The following KCNG1 variants were observed in gnomAD, a reference collection of about 807,000 sequenced individuals.
KCNG1 encodes potassium voltage-gated channel modifier subfamily G member 1.
Under a neutral mutation model 32.4 loss-of-function variants are expected in KCNG1, and 17 were observed. The observed-to-expected ratio is 0.52, with a 90% CI of 0.36 to 0.79. The LOEUF is 0.79. KCNG1 is among the 30% of genes least tolerant of loss of function. The probability of loss-of-function intolerance (pLI) is 0.00; values close to 1 mark genes in which losing one functional copy is unlikely to be tolerated. For synonymous variants in KCNG1, 358 were observed against 339.9 expected (o/e 1.05, Z -0.59); for missense variants, 441 against 735.2 (o/e 0.60, Z 4.63).
chr20:51,018,029 A>G (rs1338328877), intron 1 of KCNG1, among the ~76,000 whole-genome samples: 24 of 152,204 alleles, frequency 1.6e-4, no homozygotes, highest in Admixed American at 1.6e-3. Context: ...AGGGCTGAGA[A>G]CATACTTCCA....
intron 1 of KCNG1, chr20:51,013,923 C>T (rs1346189693): frequency 1.3e-5 from 2 of 152,224 alleles, no homozygotes; most frequent in African/African-American, 4.8e-5. Context: ...AAATGCCTCA[C>T]ACAAGCCCTG....
chr20:51,010,981 G>A (rs1253524692), intron 1 of KCNG1, among the ~76,000 whole-genome samples: 1 of 152,074 alleles, frequency 6.6e-6, no homozygotes, highest in African/African-American at 2.4e-5. Flanking sequence ...TGCCATGGGA[G>A]CACTCAGGGA....
At position 51,004,841 on chromosome 20, in the gene KCNG1, G is replaced by T; in HGVS notation, c.775-35C>A. The T allele has an allele frequency of 6.7e-7, 1 of 1,493,862 alleles. No individual in the cohort carries two copies. Among genetic ancestry groups the T allele is most frequent in the African/African-American group, 1.4e-5 (1 of 71,968 alleles). 92.5% of individuals were successfully genotyped at this position (1,493,862 alleles called of 1,614,324 possible). A position where few individuals can be genotyped will look rare whatever the true frequency, so the allele number is the denominator to read the frequency against. On this transcript the variant is annotated intron_variant, in intron 2 of 2. Transcript: ENST00000371571. The surrounding 1 kb of genome is among the most constrained non-coding windows in gnomAD (Gnocchi z 4.3). ...AGGGGAAGGGACGCCGGAGGGGTCA[G>T]CGGGCCCTCCAGGAAAGGAGGGCAG...
chr20:51,017,607 T>C (rs958776627), intron 1 of KCNG1, among the ~76,000 whole-genome samples: 4 of 152,170 alleles, frequency 2.6e-5, no homozygotes, highest in Admixed American at 6.5e-5. Context: ...ACCTTCTGAA[T>C]TGCTCGGGGT....
chr20:51,009,300 G>T (rs915567232), intron 2 of KCNG1, among the ~76,000 whole-genome samples: 4 of 152,216 alleles, frequency 2.6e-5, no homozygotes, highest in African/African-American at 9.7e-5. Flanking sequence ...GTGCCTGTTT[G>T]TGCTGGACAC....
chr20:51,010,471 C>T (rs1436449313), intron 1 of KCNG1, 107 bp from the exon 2 acceptor site: 1 of 805,094 alleles, frequency 1.2e-6, no homozygotes, highest in South Asian at 2.0e-5. Context: ...TCTTTGTCCC[C>T]CACATCCATA....
At position 51,009,908 on chromosome 20, in the gene KCNG1, G is replaced by A; in HGVS notation, c.431C>T (p.Ala144Val). ...CAGCAGCTCCTCCTGGAAGGACAGC[G>A]CGCACATCTCGCGCAGCAGCCGCAG... is the stretch of plus-strand genomic sequence containing the variant. ...GKLRLLREMCALSFQEELLYW... is the reference protein window; with the variant it reads ...GKLRLLREMCVLSFQEELLYW... The change falls in exon 2 of 3, where the codon GCG becomes GTG. Residue 144 changes from alanine to valine, a missense_variant. By Grantham distance (64) the Ala-to-Val change is moderately conservative. Coordinates refer to ENST00000371571, the MANE Select transcript of KCNG1 (RefSeq NM_002237.4). 6.2e-7 allele frequency: 1 copy of A among 1,613,610 alleles called. No homozygotes were observed. The highest frequency in any genetic ancestry group is 1.1e-5 in the South Asian group (1 of 91,080).
Position 51,008,514 on chromosome 20 carries a change from G to T in KCNG1, c.774+1051C>A, listed in dbSNP as rs555839428. On this transcript the variant is annotated intron_variant, in intron 2 of 2. Coordinates refer to ENST00000371571, the MANE Select transcript of KCNG1 (RefSeq NM_002237.4). ...CTGGCTAATTAAATTTTTTTTTTCC[G>T]TAAAGACGGGGTCTCACTACATTGC... 6.8e-3 allele frequency among the ~76,000 whole-genome samples: 979 copies of T among 143,856 alleles called. 6 individuals carry two copies. The highest frequency in any genetic ancestry group is 0.01 in the Non-Finnish European group (677 of 65,320). 94.4% of individuals were successfully genotyped at this position (143,856 alleles called of 152,430 possible).
Position 51,003,736 on chromosome 20 carries a change from C to G in KCNG1, c.*303G>C. The G allele has an allele frequency of 4.4e-6, 1 of 226,442 alleles. No homozygotes were observed. The allele number at this position is 226,442 out of a possible 1,614,324, so 14.0% of individuals were successfully genotyped here. On this transcript the variant is annotated 3_prime_UTR_variant, in exon 3 of 3. Coordinates refer to ENST00000371571, the MANE Select transcript of KCNG1 (RefSeq NM_002237.4). ...AAGTTTTTGCTGGGCATGTTATTTG[C>G]ATGGTGAAAAGAACAAGGCATCTCC...
chr20:51,010,623 G>A (rs1469359285), intron 1 of KCNG1, among the ~76,000 whole-genome samples: 1 of 152,140 alleles, frequency 6.6e-6, no homozygotes, highest in Non-Finnish European at 1.5e-5. Context: ...GGCCGGGCGC[G>A]GTGGCTCACG....
Position 51,004,792 on chromosome 20 carries a change from C to G in KCNG1, c.789G>C (p.Gln263His). Residue 263 changes from glutamine (Q) to histidine (H), a missense_variant, in exon 3 of 3, where the codon CAG (glutamine) becomes CAC (histidine). Gln to His is a conservative substitution (Grantham distance 24). Transcript: ENST00000371571. This position sits in a 1 kb window ranked among gnomAD's most constrained non-coding sequence, Gnocchi z 4.3. Reference protein sequence around the residue: ...REEEEQGHCSQMCHNVFIVES... With the variant: ...REEEEQGHCSHMCHNVFIVES... ...CCACGATGAAGACGTTGTGGCACAT[C>G]TGGGAACAGTGGCCCTGGGAGAGAG... is the stretch of plus-strand genomic sequence containing the variant. 6.4e-7 allele frequency: 1 copy of G among 1,569,616 alleles called. No individual in the cohort carries two copies. Among genetic ancestry groups the G allele is most frequent in the Non-Finnish European group, 8.7e-7 (1 of 1,153,842 alleles).
Position 51,004,833 on chromosome 20 carries a change from AG to A in KCNG1, c.775-28del. ...TGGGAGAGAGGGGAAGGGACGCCGG[AG>A]GGGTCAGCGGGCCCTCCAGGAAAGG... On this transcript the variant is annotated intron_variant, in intron 2 of 2. Transcript: ENST00000371571. The surrounding 1 kb of genome is among the most constrained non-coding windows in gnomAD (Gnocchi z 4.3). 1.9e-5 allele frequency: 29 copies of A among 1,513,102 alleles called. No homozygotes were observed. The highest frequency in any genetic ancestry group is 2.6e-5 in the Non-Finnish European group (29 of 1,125,126). The allele number at this position is 1,513,102 out of a possible 1,614,324, so 93.7% of individuals were successfully genotyped here. A position where few individuals can be genotyped will look rare whatever the true frequency, so the allele number is the denominator to read the frequency against.
chr20:51,013,703 G>C (rs777873943), intron 1 of KCNG1: 14 of 152,192 alleles, frequency 9.2e-5, no homozygotes, highest in Non-Finnish European at 1.8e-4. Flanking sequence ...TTTGATTTTA[G>C]ATGGTTAGAG....
intron 1 of KCNG1, among the ~76,000 whole-genome samples, chr20:51,017,156 C>G (rs544558170): frequency 6.6e-6 from 1 of 152,272 alleles, no homozygotes; most frequent in Non-Finnish European, 1.5e-5. Flanking sequence ...CAGGAGGTCC[C>G]CTAGCATCCA....
chr20:51,011,714 G>A (rs6013058), intron 1 of KCNG1, among the ~76,000 whole-genome samples: 83,407 of 152,178 alleles, frequency 0.55, 25,180 homozygotes, highest in African/African-American at 0.82. Context: ...TGATAAGATT[G>A]CTGGGAGGCC....
At chr20:51,018,932 T>C (rs551692714) in intron 1 of KCNG1, among the ~76,000 whole-genome samples, 1 of 152,198 alleles carries the variant, frequency 6.6e-6, no homozygotes, top group Non-Finnish European at 1.5e-5. Context: ...TTCTAGTCTC[T>C]ATTTCATATG....
intron 1 of KCNG1, among the ~76,000 whole-genome samples, chr20:51,017,052 C>G (rs1043249273): frequency 6.6e-6 from 1 of 152,232 alleles, no homozygotes; most frequent in Non-Finnish European, 1.5e-5. Flanking sequence ...TATTTGCACT[C>G]AAATCCTTCA....
chr20:51,011,612 C>T (rs962339284), intron 1 of KCNG1, among the ~76,000 whole-genome samples: 7 of 152,166 alleles, frequency 4.6e-5, no homozygotes, highest in East Asian at 1.9e-4. Flanking sequence ...TGGTTATGAA[C>T]GCAGACTTTG....
rs1987719604 is a variant in KCNG1, at chr20:51,004,064, G to A, written c.1517C>T (p.Ser506Phe). The A allele has an allele frequency of 6.2e-7, 1 of 1,614,206 alleles. No individual in the cohort carries two copies. The highest frequency in any genetic ancestry group is 2.2e-5 in the East Asian group (1 of 44,886). ...QDSDILFGSA[S>F]SDTRDNN ...TCAGTTATTGTCTCTGGTGTCCGAG[G>A]AGGCACTTCCGAACAAGATGTCACT... is the stretch of plus-strand genomic sequence containing the variant. Residue 506 changes from serine to phenylalanine, a missense_variant, in exon 3 of 3, where the codon TCC becomes TTC. Around this residue, in one of 6 missense-constraint regions of KCNG1, gnomAD observed 53 missense variants for 79.1 expected, o/e 0.67. Transcript: ENST00000371571. The surrounding 1 kb of genome is among the most constrained non-coding windows in gnomAD (Gnocchi z 4.3).
Sources: gnomAD v4.1 joint callset for allele counts (sites outside exome capture counted in the v4.1 genomes callset) on GRCh38, gnomAD v4.1.1 for gene constraint, gnomAD v4.1.1 regional missense constraint, Gnocchi (gnomAD v3.1) non-coding constraint, MANE v1.5 for transcripts, NCBI Gene and HGNC (gene_info 2026-07-23, HGNC 2026-07-21) for gene names.